KLF12: variants seen among roughly 807,000 people sequenced by gnomAD.
The protein encoded by KLF12 is KLF transcription factor 12, also known as Krueppel-like factor 12.
A neutral mutation model predicts 37.8 loss-of-function variants in KLF12; 9 were observed. That is an observed-to-expected ratio of 0.24 (90% CI 0.14 to 0.42). KLF12 has a LOEUF of 0.42. Ranked by LOEUF, KLF12 falls within the 10% of genes least tolerant of loss-of-function variation. The pLI, the probability that KLF12 is intolerant of heterozygous loss-of-function variation, is 1.00. For missense variants in KLF12, 411 were observed against 516.0 expected (o/e 0.80, Z 1.97); for synonymous variants, 208 against 202.1 (o/e 1.03, Z -0.25).
intron 3 of KLF12, among the ~76,000 whole-genome samples, chr13:73,922,154 A>T (rs959450324): frequency 6.6e-6 from 1 of 152,086 alleles, no homozygotes; most frequent in Non-Finnish European, 1.5e-5. Context: ...ATTTACACTG[A>T]TATTACCTTC....
At chr13:74,029,370 A>G (rs1406790346) in intron 1 of KLF12, among the ~76,000 whole-genome samples, 1 of 152,124 alleles carries the variant, frequency 6.6e-6, no homozygotes, top group Non-Finnish European at 1.5e-5. Context: ...ATGATTGGTC[A>G]ACTACTTAGT....
chr13:74,264,343 T>C, the KLF12 span, among the ~76,000 whole-genome samples: 2 of 152,336 alleles, frequency 1.3e-5, no homozygotes, highest in African/African-American at 4.8e-5. Context: ...TAGCAGAATA[T>C]TTGGACTCTT....
At chr13:73,862,509 A>G (rs1885981753) in intron 3 of KLF12, among the ~76,000 whole-genome samples, 1 of 152,194 alleles carries the variant, frequency 6.6e-6, no homozygotes, top group South Asian at 2.1e-4. Context: ...TGAATCTTTA[A>G]TGTATGCCCA....
In KLF12 at chr13:74,133,875, G is replaced by A. The variant is rs564475688; in HGVS notation, c.-168C>T. 1.4e-4 allele frequency among the ~76,000 whole-genome samples: 22 copies of A among 151,774 alleles called. No homozygotes were observed. The highest frequency in any genetic ancestry group is 5.9e-4 in the Admixed American group (9 of 15,260). On this transcript the variant is annotated 5_prime_UTR_variant, in exon 1 of 8. Transcript: ENST00000377669. ...CTCGCACACACACGGCGTCACCCGC[G>A]CACACGCACACGCAGAGCCTCTCAG...
intron 2 of KLF12, among the ~76,000 whole-genome samples, chr13:73,955,585 T>G (rs1333531041): frequency 6.6e-6 from 1 of 152,206 alleles, no homozygotes; most frequent in Non-Finnish European, 1.5e-5. Flanking sequence ...AAGTGTCTGA[T>G]AGTGCTTCCT....
At chr13:74,298,578 G>T in the KLF12 span, among the ~76,000 whole-genome samples, 1 of 152,132 alleles carries the variant, frequency 6.6e-6, no homozygotes, top group Non-Finnish European at 1.5e-5. Flanking sequence ...TGGGAGTTAG[G>T]AGTAGGAAAA....
At chr13:74,065,463 C>T (rs947826099) in intron 1 of KLF12, among the ~76,000 whole-genome samples, 5 of 2,766 alleles carry the variant, frequency 1.8e-3, no homozygotes, top group African/African-American at 1.9e-3. Context: ...TATAAGAGTC[C>T]CCCAAAGAAT....
intron 2 of KLF12, among the ~76,000 whole-genome samples, chr13:73,968,153 C>T (rs1314340023): frequency 6.6e-6 from 1 of 152,168 alleles, no homozygotes; most frequent in African/African-American, 2.4e-5. Context: ...CTTCAACTAT[C>T]TCTCAAGGTC....
chr13:74,038,788 C>A (rs944006102), intron 1 of KLF12, among the ~76,000 whole-genome samples: 6 of 151,998 alleles, frequency 3.9e-5, no homozygotes, highest in Admixed American at 6.6e-5. Flanking sequence ...ACTTCAAAAG[C>A]TCAGTATTTC....
At chr13:73,771,335 G>A (rs890590917) in intron 5 of KLF12, among the ~76,000 whole-genome samples, 1 of 152,164 alleles carries the variant, frequency 6.6e-6, no homozygotes, top group Admixed American at 6.5e-5. Flanking sequence ...TCAATAAATA[G>A]CTGTTGTATT....
chr13:74,061,640 C>A (rs1244936550), intron 1 of KLF12, among the ~76,000 whole-genome samples: 1 of 152,148 alleles, frequency 6.6e-6, no homozygotes, highest in Non-Finnish European at 1.5e-5. Context: ...TGAAAAATTA[C>A]TCTGCAACCT....
chr13:74,017,931 C>T (rs898043241), intron 1 of KLF12, among the ~76,000 whole-genome samples: 1 of 152,074 alleles, frequency 6.6e-6, no homozygotes, highest in African/African-American at 2.4e-5. Flanking sequence ...GTCATCTCTG[C>T]TAGGCTGGGA....
At chr13:74,250,542 T>C in the KLF12 span, among the ~76,000 whole-genome samples, 1 of 151,946 alleles carries the variant, frequency 6.6e-6, no homozygotes, top group East Asian at 1.9e-4. Context: ...GAGGCAGCCT[T>C]AGGGAAGGGT....
rs1873836167 is a variant in KLF12, at chr13:73,691,779, C to T, written c.*3711G>A. ...CTTTATCCATATAAATGTTATCATT[C>T]TAATGAACTGATTCCAAAGTGCAGA... On this transcript the variant is annotated 3_prime_UTR_variant, in exon 8 of 8. Coordinates refer to ENST00000377669, the MANE Select transcript of KLF12 (RefSeq NM_007249.5). 1 of 152,560 alleles carries T rather than the reference C, an allele frequency of 6.6e-6. No individual in the cohort carries two copies. Among genetic ancestry groups the T allele is most frequent in the Admixed American group, 6.5e-5 (1 of 15,274 alleles). 9.5% of individuals were successfully genotyped at this position (152,560 alleles called of 1,614,324 possible).
intron 5 of KLF12, among the ~76,000 whole-genome samples, chr13:73,806,101 GT>G (rs58028136): frequency 0.54 from 79,190 of 145,564 alleles, 21,856 homozygotes; most frequent in South Asian, 0.62. Flanking sequence ...TGCCCTGCCA[GT>G]TTTTTTTTTC....
chr13:73,899,119 C>A (rs1312946726), intron 3 of KLF12, among the ~76,000 whole-genome samples: 4 of 152,164 alleles, frequency 2.6e-5, no homozygotes, highest in Non-Finnish European at 5.9e-5. Flanking sequence ...TTGGGGCCAC[C>A]CCCCAGGAAG....
Position 74,097,512 on chromosome 13 carries a change from A to C in KLF12, c.-32+36227T>G, listed in dbSNP as rs1876046305. ...CTTGAATTTCTAAAATCCATTATTAAATCACAGTAAATTGTAGGGTATACA... is the reference window on the plus strand; with the variant it reads ...CTTGAATTTCTAAAATCCATTATTACATCACAGTAAATTGTAGGGTATACA... On this transcript the variant is annotated intron_variant, in intron 1 of 7. Coordinates refer to ENST00000377669, the MANE Select transcript of KLF12 (RefSeq NM_007249.5). 2.0e-5 allele frequency among the ~76,000 whole-genome samples: 3 copies of C among 152,108 alleles called. No individual in the cohort carries two copies. In the South Asian group the frequency reaches 6.2e-4, roughly 32 times the overall value.
intron 6 of KLF12, among the ~76,000 whole-genome samples, chr13:73,743,450 C>A (rs79547740): frequency 0.015 from 2,273 of 152,202 alleles, 47 homozygotes; most frequent in African/African-American, 0.05. Flanking sequence ...TATAAAATAA[C>A]TATTGATCTG....
chr13:74,250,293 C>T, the KLF12 span, among the ~76,000 whole-genome samples: 3 of 152,118 alleles, frequency 2.0e-5, no homozygotes, highest in East Asian at 3.9e-4. Flanking sequence ...TTCCTTCATG[C>T]TTTAGTTGGT....
Sources: gnomAD v4.1 joint callset for allele counts (sites outside exome capture counted in the v4.1 genomes callset) on GRCh38, gnomAD v4.1.1 for gene constraint, MANE v1.5 for transcripts, NCBI Gene and HGNC (gene_info 2026-07-23, HGNC 2026-07-21) for gene names.